MARK3: variants seen among roughly 807,000 people sequenced by gnomAD.
MARK3 encodes the protein microtubule affinity regulating kinase 3.
MARK3 carries 46 observed loss-of-function variants against 90.1 expected under a neutral mutation model. That is an observed-to-expected ratio of 0.51 (90% CI 0.40 to 0.65). MARK3 has a LOEUF of 0.65. MARK3 is among the 30% of genes least tolerant of loss of function. The pLI is 0.00. For missense variants in MARK3, 818 were observed against 947.2 expected (o/e 0.86, Z 1.79); for synonymous variants, 321 against 332.6 (o/e 0.97, Z 0.38).
intron 5 of MARK3, among the ~76,000 whole-genome samples, chr14:103,452,804 C>T (rs1455484844): frequency 6.6e-6 from 1 of 152,192 alleles, no homozygotes; most frequent in Non-Finnish European, 1.5e-5. Flanking sequence ...CTGATTGATG[C>T]AGCATAGTGT....
intron 3 of MARK3, among the ~76,000 whole-genome samples, chr14:103,444,761 A>C (rs1566855096): frequency 6.6e-6 from 1 of 152,118 alleles, no homozygotes. Flanking sequence ...TGGGCGACAG[A>C]GCGAGACTCC....
Position 103,403,746 on chromosome 14 carries a change from C to T in MARK3, c.52-1330C>T, listed in dbSNP as rs149495680. 2.7e-3 allele frequency among the ~76,000 whole-genome samples: 410 copies of T among 152,222 alleles called. 2 individuals carry two copies. The highest frequency in any genetic ancestry group is 9.5e-3 in the African/African-American group (393 of 41,550). ...TTGTATTAAAGCCTTAGTGTCAAAG[C>T]TTTATTATCATTTTAGTCTTTTATC... On this transcript the variant is annotated intron_variant, in intron 1 of 17. Coordinates refer to ENST00000429436, the MANE Select transcript of MARK3 (RefSeq NM_001128918.3).
intron 6 of MARK3, among the ~76,000 whole-genome samples, chr14:103,460,266 T>C (rs1394433816): frequency 6.6e-6 from 1 of 151,810 alleles, no homozygotes; most frequent in Non-Finnish European, 1.5e-5. Context: ...TTTGTATATT[T>C]AGTAGAGACA....
chr14:103,474,107 A>G (rs2093676346), intron 12 of MARK3, among the ~76,000 whole-genome samples: 1 of 151,716 alleles, frequency 6.6e-6, no homozygotes, highest in African/African-American at 2.4e-5. Context: ...CCGGAGGCTG[A>G]GGCGGGAGAA....
intron 17 of MARK3, 87 bp downstream of exon 17, chr14:103,500,287 A>G (rs1052645023): frequency 2.4e-5 from 24 of 985,164 alleles, no homozygotes; most frequent in Middle Eastern, 2.5e-4. Flanking sequence ...AATGTTCCCT[A>G]CTGTATTCCT....
chr14:103,494,717 A>C (rs909817969), intron 15 of MARK3, among the ~76,000 whole-genome samples: 21 of 151,982 alleles, frequency 1.4e-4, no homozygotes, highest in Non-Finnish European at 2.4e-4. Context: ...GCCCATGGCA[A>C]TCTTCGCCTT....
rs376052847 is a variant in MARK3 at position 103,395,511 on chromosome 14, T to C, written c.51+9431T>C. ...CTTGTGTTCTGTCTGTCTGTTCTGCTGCATAGTTGTCATCCTGAGATCTCC... is the reference window on the plus strand; with the variant it reads ...CTTGTGTTCTGTCTGTCTGTTCTGCCGCATAGTTGTCATCCTGAGATCTCC... On this transcript the variant is annotated intron_variant, in intron 1 of 17. Coordinates refer to ENST00000429436, the MANE Select transcript of MARK3 (RefSeq NM_001128918.3). Among the ~76,000 whole-genome samples, 36 of 152,328 alleles carry C rather than the reference T, an allele frequency of 2.4e-4. No homozygotes were observed. The East Asian group carries it at 6.9e-3, about 29-fold the overall frequency.
chr14:103,481,649 G>A (rs1205161349), intron 14 of MARK3, among the ~76,000 whole-genome samples: 5 of 150,626 alleles, frequency 3.3e-5, no homozygotes, highest in African/African-American at 1.2e-4. Flanking sequence ...TCGTGTGTGT[G>A]TGTGTGTGTG....
chr14:103,414,195 T>C (rs947534073), intron 2 of MARK3, among the ~76,000 whole-genome samples: 3 of 143,786 alleles, frequency 2.1e-5, no homozygotes, highest in Non-Finnish European at 3.0e-5. Flanking sequence ...CTTAGTACTT[T>C]TCTTTTCTTT....
In MARK3 at chr14:103,481,956, C is replaced by T. The variant is rs1425057516; in HGVS notation, c.1586+1466C>T. On this transcript the variant is annotated intron_variant, in intron 14 of 17. Transcript: ENST00000429436. The stretch of plus-strand genomic sequence containing the variant: ...TAATTTTTTGTATTTTTAGTAGAGA[C>T]GGGGTTTCACCATGTTAGCCAGGAT... Among the ~76,000 whole-genome samples the T allele has an allele frequency of 2.7e-5, 4 of 150,158 alleles. No individual in the cohort carries two copies. In the South Asian group the frequency reaches 6.4e-4, roughly 24 times the overall value.
intron 14 of MARK3, among the ~76,000 whole-genome samples, chr14:103,487,647 G>A (rs1417781796): frequency 6.6e-6 from 1 of 152,058 alleles, no homozygotes; most frequent in Non-Finnish European, 1.5e-5. Context: ...CTCCTAATTT[G>A]GGCAAGAAAA....
At chr14:103,426,064 C>T (rs1367984102) in intron 2 of MARK3, among the ~76,000 whole-genome samples, 2 of 152,090 alleles carry the variant, frequency 1.3e-5, no homozygotes, top group East Asian at 1.9e-4. Flanking sequence ...AGGAGTCTGC[C>T]GAGTCAAAAC....
At chr14:103,422,633 ACCT>A (rs2092263787) in intron 2 of MARK3, among the ~76,000 whole-genome samples, 1 of 151,216 alleles carries the variant, frequency 6.6e-6, no homozygotes, top group Admixed American at 6.6e-5. Flanking sequence ...TCACTACCCC[ACCT>A]CCTCAAGTGA....
intron 12 of MARK3, among the ~76,000 whole-genome samples, chr14:103,471,892 A>G (rs112768720): frequency 6.6e-6 from 1 of 152,208 alleles, no homozygotes; most frequent in Non-Finnish European, 1.5e-5. Context: ...ATCTTATACA[A>G]GGATGAATTC....
chr14:103,467,384 G>C, intron 11 of MARK3, 193 bp downstream of exon 11: 1 of 375,868 alleles, frequency 2.7e-6, no homozygotes, highest in East Asian at 4.7e-5. Context: ...ATGGATATTG[G>C]CCAGGCGTGG....
At position 103,419,277 on chromosome 14, in the gene MARK3, C is replaced by T. The variant is rs751536592; in HGVS notation, c.244-9110C>T. ...CTGTACTCCAGCCTGGGTGACAGAG[C>T]GAGACCCCGTCTCATAAATAAATAA... is the stretch of plus-strand genomic sequence containing the variant. On this transcript the variant is annotated intron_variant, in intron 2 of 17. Transcript: ENST00000429436. Among the ~76,000 whole-genome samples, 6 of 151,910 alleles carry T rather than the reference C, an allele frequency of 3.9e-5. 1 individual carries two copies. The highest frequency in any genetic ancestry group is 4.2e-4 in the South Asian group (2 of 4,814).
At chr14:103,424,506 A>G (rs2092334422) in intron 2 of MARK3, among the ~76,000 whole-genome samples, 1 of 148,066 alleles carries the variant, frequency 6.8e-6, no homozygotes, top group Non-Finnish European at 1.5e-5. Context: ...ACCCTGGACA[A>G]CAGAATGAGA....
At chr14:103,493,240 C>CTTT (rs11437791) in intron 15 of MARK3, among the ~76,000 whole-genome samples, 33,758 of 122,730 alleles carry the variant, frequency 0.28, 5,211 homozygotes, top group Non-Finnish European at 0.35. Context: ...GGGAGTATTC[C>CTTT]TTTTTTTTTT....
chr14:103,403,166 T>A (rs2140640768), intron 1 of MARK3, among the ~76,000 whole-genome samples: 1 of 152,218 alleles, frequency 6.6e-6, no homozygotes, highest in African/African-American at 2.4e-5. Flanking sequence ...AAATACATGT[T>A]TACATTGCAA....
Sources: allele counts gnomAD v4.1 joint callset (sites outside exome capture counted in the v4.1 genomes callset), GRCh38; gene constraint gnomAD v4.1.1; transcripts MANE v1.5; gene names NCBI Gene and HGNC (gene_info 2026-07-23, HGNC 2026-07-21).